The following GPC5 variants were observed in gnomAD, a reference collection of about 807,000 sequenced individuals.
GPC5 encodes the protein glypican-5.
A neutral mutation model predicts 53.9 loss-of-function variants in GPC5; 47 were observed. The ratio of observed to expected loss-of-function variants is 0.87; its 90% CI spans 0.69 to 1.11. GPC5 has a LOEUF of 1.11. GPC5 is among the 50% of genes most tolerant of loss of function. The pLI, the probability that GPC5 is intolerant of heterozygous loss-of-function variation, is 0.00. For missense variants in GPC5, 748 were observed against 713.1 expected (o/e 1.05, Z -0.56); for synonymous variants, 286 against 263.3 (o/e 1.09, Z -0.84).
chr13:91,637,934 A>G (rs1195942358), intron 2 of GPC5, among the ~76,000 whole-genome samples: 1 of 152,232 alleles, frequency 6.6e-6, no homozygotes, highest in East Asian at 1.9e-4. Flanking sequence ...TGTTCCCTCT[A>G]TAAATGTGAC....
In GPC5 at chr13:91,964,785, T is replaced by C. The variant is rs528357629; in HGVS notation, c.1401+56728T>C. Among the ~76,000 whole-genome samples, 9 of 152,292 alleles carry C rather than the reference T, an allele frequency of 5.9e-5. 1 individual carries two copies. The South Asian group carries it at 1.7e-3, about 28-fold the overall frequency. ...GCTGCTATGAAGACACATGCACATGTGTGTTTATTGCGGCACTATTCACAA... is the reference window on the plus strand; with the variant it reads ...GCTGCTATGAAGACACATGCACATGCGTGTTTATTGCGGCACTATTCACAA... On this transcript the variant is annotated intron_variant, in intron 6 of 7. Coordinates refer to ENST00000377067, the MANE Select transcript of GPC5 (RefSeq NM_004466.6).
Position 92,866,499 on chromosome 13 carries a change from T to C in GPC5, c.*60T>C. 1 of 1,303,582 alleles carries C rather than the reference T, an allele frequency of 7.7e-7. No homozygotes were observed. Among genetic ancestry groups the C allele is most frequent in the South Asian group, 1.8e-5 (1 of 55,852 alleles). 80.8% of individuals were successfully genotyped at this position (1,303,582 alleles called of 1,614,324 possible). On this transcript the variant is annotated 3_prime_UTR_variant, in exon 8 of 8. Coordinates refer to ENST00000377067, the MANE Select transcript of GPC5 (RefSeq NM_004466.6). ...TCTCGATTTCTTCTCTCTCTGCATA[T>C]GCCTGGAATAAGAGATCCTTTTTCA... is the stretch of plus-strand genomic sequence containing the variant.
At chr13:92,634,347 A>G (rs1416681136) in intron 7 of GPC5, among the ~76,000 whole-genome samples, 3 of 152,128 alleles carry the variant, frequency 2.0e-5, no homozygotes, top group African/African-American at 7.2e-5. Flanking sequence ...GAACTCTGGT[A>G]TCTATTCTGG....
chr13:91,795,883 A>C (rs1213558200), intron 5 of GPC5, among the ~76,000 whole-genome samples: 1 of 152,172 alleles, frequency 6.6e-6, no homozygotes, highest in Non-Finnish European at 1.5e-5. Context: ...CTGTTAGTGC[A>C]TTCCTTATCC....
chr13:91,716,455 T>G (rs1354837556), intron 3 of GPC5, among the ~76,000 whole-genome samples: 3 of 152,230 alleles, frequency 2.0e-5, no homozygotes, highest in Non-Finnish European at 4.4e-5. Context: ...TCTATTTAGT[T>G]GGATGAAATT....
In GPC5 at chr13:92,144,956, G is replaced by A; in HGVS notation, c.1528G>A (p.Gly510Arg). Residue 510 changes from glycine (G) to arginine (R), a missense_variant, in exon 7 of 8, where the codon GGA (glycine) becomes AGA (arginine). Coordinates refer to ENST00000377067, the MANE Select transcript of GPC5 (RefSeq NM_004466.6). ...AGATGGTTGCGGGGGATCAGGAAGT[G>A]GAGAAGTCAAGAGGACACTGAAGAT... Reference protein sequence around the residue: ...DEDGCGGSGSGEVKRTLKITD... With the variant: ...DEDGCGGSGSREVKRTLKITD... 3.2e-6 allele frequency: 5 copies of A among 1,567,874 alleles called. No homozygotes were observed. Among genetic ancestry groups the A allele is most frequent in the Non-Finnish European group, 4.3e-6 (5 of 1,160,952 alleles).
intron 7 of GPC5, among the ~76,000 whole-genome samples, chr13:92,355,788 G>A (rs1238509587): frequency 2.0e-5 from 3 of 151,220 alleles, no homozygotes; most frequent in Non-Finnish European, 2.9e-5. Flanking sequence ...TCAAGCACCC[G>A]CTCACTACTC....
Position 92,250,259 on chromosome 13 carries a change from G to C in GPC5, c.1561+105270G>C, listed in dbSNP as rs527700271. ...TTTTATGTTTATGCCTGAGTGTTTAGGTTCATACGTATGGTTTTAGGCAGA... is the reference window on the plus strand; with the variant it reads ...TTTTATGTTTATGCCTGAGTGTTTACGTTCATACGTATGGTTTTAGGCAGA... On this transcript the variant is annotated intron_variant, in intron 7 of 7. Transcript: ENST00000377067. 2.0e-5 allele frequency among the ~76,000 whole-genome samples: 3 copies of C among 152,178 alleles called. No homozygotes were observed. In the East Asian group the frequency reaches 5.8e-4, roughly 29 times the overall value.
At chr13:91,540,995 A>G (rs2029894072) in intron 2 of GPC5, among the ~76,000 whole-genome samples, 1 of 152,172 alleles carries the variant, frequency 6.6e-6, no homozygotes. Context: ...GAAGGTTCAC[A>G]TTATTATGTA....
chr13:92,195,799 C>G (rs1047329042), intron 7 of GPC5, among the ~76,000 whole-genome samples: 2 of 152,104 alleles, frequency 1.3e-5, no homozygotes, highest in African/African-American at 4.8e-5. Context: ...CCTTTAATTA[C>G]TTAGGTTCAT....
At chr13:92,609,423 T>G (rs1884363311) in intron 7 of GPC5, among the ~76,000 whole-genome samples, 1 of 152,116 alleles carries the variant, frequency 6.6e-6, no homozygotes, top group African/African-American at 2.4e-5. Context: ...TCTAAGATTC[T>G]AAAGAAAAGT....
At chr13:91,901,709 T>A (rs908849074) in intron 5 of GPC5, among the ~76,000 whole-genome samples, 4 of 152,088 alleles carry the variant, frequency 2.6e-5, no homozygotes, top group African/African-American at 9.7e-5. Context: ...CCTTCACTGA[T>A]GAATAGATAC....
At chr13:91,942,796 A>G (rs1016960179) in intron 6 of GPC5, among the ~76,000 whole-genome samples, 2 of 152,122 alleles carry the variant, frequency 1.3e-5, no homozygotes, top group Admixed American at 1.3e-4. Flanking sequence ...TTGTTGCTCA[A>G]GTCATGCATC....
intron 7 of GPC5, among the ~76,000 whole-genome samples, chr13:92,493,538 A>G (rs1879846860): frequency 6.6e-6 from 1 of 152,200 alleles, no homozygotes; most frequent in Non-Finnish European, 1.5e-5. Flanking sequence ...GGTTGAGAGG[A>G]AGAGCGAGGG....
chr13:92,198,613 C>T (rs1231743295), intron 7 of GPC5, among the ~76,000 whole-genome samples: 1 of 152,156 alleles, frequency 6.6e-6, no homozygotes, highest in Non-Finnish European at 1.5e-5. Flanking sequence ...AGACACATTG[C>T]TCCCGTCAAG....
chr13:92,479,154 T>C (rs1178586755), intron 7 of GPC5, among the ~76,000 whole-genome samples: 2 of 152,176 alleles, frequency 1.3e-5, no homozygotes, highest in Admixed American at 6.5e-5. Flanking sequence ...TTTATAGAGA[T>C]ACTGGTTAAA....
At chr13:92,694,422 G>A (rs959511611) in intron 7 of GPC5, among the ~76,000 whole-genome samples, 3 of 152,144 alleles carry the variant, frequency 2.0e-5, no homozygotes, top group African/African-American at 7.2e-5. Flanking sequence ...AGAGCCACAG[G>A]GGAGGAGCTG....
intron 7 of GPC5, among the ~76,000 whole-genome samples, chr13:92,379,066 A>C (rs1174287994): frequency 6.6e-6 from 1 of 152,228 alleles, no homozygotes; most frequent in Non-Finnish European, 1.5e-5. Flanking sequence ...TTTGAAGCTC[A>C]GTGATATTGA....
intron 7 of GPC5, among the ~76,000 whole-genome samples, chr13:92,650,649 T>C (rs1885926902): frequency 6.6e-6 from 1 of 152,106 alleles, no homozygotes; most frequent in African/African-American, 2.4e-5. Flanking sequence ...AAAGTAAACC[T>C]GATAAATTAA....
Sources: allele counts gnomAD v4.1 joint callset (sites outside exome capture counted in the v4.1 genomes callset), GRCh38; gene constraint gnomAD v4.1.1; transcripts MANE v1.5; gene names NCBI Gene and HGNC (gene_info 2026-07-23, HGNC 2026-07-21).